Variants in PRKCA observed in about 807,000 individuals in gnomAD.
The protein encoded by PRKCA is protein kinase C alpha.
Under a neutral mutation model 87.0 loss-of-function variants are expected in PRKCA, and 27 were observed. The observed-to-expected ratio is 0.31, with a 90% CI of 0.23 to 0.43. The LOEUF (loss-of-function observed/expected upper bound fraction) is 0.43. Among genes scored for constraint, PRKCA ranks in the 20% least tolerant of loss-of-function variants. The pLI is 1.00. For synonymous variants in PRKCA, 329 were observed against 311.1 expected (o/e 1.06, Z -0.61); for missense variants, 518 against 852.3 (o/e 0.61, Z 4.88).
intron 2 of PRKCA, among the ~76,000 whole-genome samples, chr17:66,335,584 T>C (rs9905819): frequency 0.73 from 110,108 of 150,534 alleles, 40,366 homozygotes; most frequent in Middle Eastern, 0.8. Context: ...CTCCCCCCAC[T>C]GCCCAAAAAA....
chr17:66,758,020 C>A (rs567045433), intron 13 of PRKCA, among the ~76,000 whole-genome samples: 1 of 152,198 alleles, frequency 6.6e-6, no homozygotes, highest in East Asian at 1.9e-4. Context: ...CCACTGCGCC[C>A]GGCCAAAAGA....
At chr17:66,578,528 A>G (rs1208521136) in intron 3 of PRKCA, among the ~76,000 whole-genome samples, 1 of 151,974 alleles carries the variant, frequency 6.6e-6, no homozygotes, top group African/African-American at 2.4e-5. Flanking sequence ...CAAGAGCAAA[A>G]CATGTATAAG....
chr17:66,686,919 C>A (rs542631117), intron 5 of PRKCA, among the ~76,000 whole-genome samples, 192 bp from the exon 6 acceptor site: 2 of 152,262 alleles, frequency 1.3e-5, no homozygotes, highest in South Asian at 4.1e-4. Flanking sequence ...CCACACGATG[C>A]CCATTATCTC....
At chr17:66,774,348 CG>C (rs1975002247) in intron 14 of PRKCA, 3 of 1,235,612 alleles carry the variant, frequency 2.4e-6, no homozygotes, top group Non-Finnish European at 3.1e-6. Context: ...TGGCCAGGCG[CG>C]GTGGCTCATG....
chr17:66,412,329 T>C (rs912017238), intron 2 of PRKCA, among the ~76,000 whole-genome samples: 1 of 152,190 alleles, frequency 6.6e-6, no homozygotes, highest in Non-Finnish European at 1.5e-5. Context: ...AGTGCTGGGA[T>C]TACAAGCGTG....
chr17:66,341,603 G>A (rs189351260), intron 2 of PRKCA, among the ~76,000 whole-genome samples: 68 of 152,302 alleles, frequency 4.5e-4, no homozygotes, highest in Admixed American at 3.7e-3. Context: ...ACGGTTTTGA[G>A]TAAGGAGTAC....
chr17:66,334,544 G>GT (rs1380390054), intron 2 of PRKCA, among the ~76,000 whole-genome samples: 1 of 152,206 alleles, frequency 6.6e-6, no homozygotes, highest in Non-Finnish European at 1.5e-5. Context: ...CGTTAGGGAA[G>GT]TGCAAATCAA....
At chr17:66,651,553 A>G (rs957459226) in intron 5 of PRKCA, among the ~76,000 whole-genome samples, 2 of 152,154 alleles carry the variant, frequency 1.3e-5, no homozygotes, top group African/African-American at 4.8e-5. Context: ...GGAATATAAT[A>G]ACTTGTTGGA....
chr17:66,796,465 G>A (rs1452064433), intron 16 of PRKCA: 3 of 985,234 alleles, frequency 3.0e-6, no homozygotes, highest in African/African-American at 3.5e-5. Flanking sequence ...GTACCAAAAT[G>A]CACTGGCTTC....
At chr17:66,785,283 G>A (rs895491739) in intron 14 of PRKCA, among the ~76,000 whole-genome samples, 5 of 152,088 alleles carry the variant, frequency 3.3e-5, no homozygotes, top group Admixed American at 2.0e-4. Context: ...TTGGCTCAAC[G>A]GCTGCCTCTG....
At chr17:66,446,523 G>T (rs1914046967) in intron 2 of PRKCA, among the ~76,000 whole-genome samples, 1 of 152,196 alleles carries the variant, frequency 6.6e-6, no homozygotes, top group Admixed American at 6.5e-5. Context: ...TTCATAAGCA[G>T]TTGCATTGTT....
intron 2 of PRKCA, among the ~76,000 whole-genome samples, chr17:66,367,256 G>GTTCA (rs1908782732): frequency 6.6e-6 from 1 of 152,232 alleles, no homozygotes; most frequent in African/African-American, 2.4e-5. Flanking sequence ...GAAACCCACT[G>GTTCA]TTCAGCACAA....
At position 66,808,251 on chromosome 17, in the gene PRKCA, A is replaced by G. The variant is rs76313207; in HGVS notation, c.*4214A>G. The G allele has an allele frequency of 1.4e-3, 207 of 151,852 alleles. No homozygotes were observed. Among genetic ancestry groups the G allele is most frequent in the African/African-American group, 4.8e-3 (199 of 41,314 alleles). 9.4% of individuals were successfully genotyped at this position (151,852 alleles called of 1,614,324 possible). ...AACTAACACCGCACAACTAACAACT[A>G]ACACCGCAGTTCCCACCTGGGTTCC... is the stretch of plus-strand genomic sequence containing the variant. On this transcript the variant is annotated 3_prime_UTR_variant, in exon 17 of 17. Transcript: ENST00000413366.
chr17:66,797,651 G>T (rs1975699973), intron 16 of PRKCA, among the ~76,000 whole-genome samples: 1 of 152,174 alleles, frequency 6.6e-6, no homozygotes, highest in African/African-American at 2.4e-5. Context: ...CACTGAGTTT[G>T]CCAAAGCTAT....
At chr17:66,314,091 G>A (rs1324683530) in intron 2 of PRKCA, among the ~76,000 whole-genome samples, 6 of 152,172 alleles carry the variant, frequency 3.9e-5, no homozygotes, top group East Asian at 1.9e-4. Flanking sequence ...CTGGTGGGGC[G>A]TGTCATGGGT....
At chr17:66,658,696 C>T (rs937665627) in intron 5 of PRKCA, among the ~76,000 whole-genome samples, 1 of 152,134 alleles carries the variant, frequency 6.6e-6, no homozygotes, top group Non-Finnish European at 1.5e-5. Flanking sequence ...ATGTTGAATA[C>T]GTATTAGGGG....
At chr17:66,609,612 G>T (rs1186264038) in intron 3 of PRKCA, among the ~76,000 whole-genome samples, 1 of 152,062 alleles carries the variant, frequency 6.6e-6, no homozygotes, top group Non-Finnish European at 1.5e-5. Context: ...TCTTAAAAAT[G>T]TGTCAAATTG....
intron 2 of PRKCA, among the ~76,000 whole-genome samples, chr17:66,407,860 A>G (rs1911509952): frequency 6.6e-6 from 1 of 152,228 alleles, no homozygotes; most frequent in South Asian, 2.1e-4. Flanking sequence ...TGCAAGCCCC[A>G]TTGAAAGTTT....
chr17:66,332,928 T>C (rs1338010024), intron 2 of PRKCA, among the ~76,000 whole-genome samples: 2 of 152,164 alleles, frequency 1.3e-5, no homozygotes, highest in Admixed American at 1.3e-4. Flanking sequence ...CCTGACCTTG[T>C]GATCCACCCG....
Sources: allele counts gnomAD v4.1 joint callset (sites outside exome capture counted in the v4.1 genomes callset), GRCh38; gene constraint gnomAD v4.1.1; transcripts MANE v1.5; gene names NCBI Gene and HGNC (gene_info 2026-07-23, HGNC 2026-07-21).